The following PALB2 variants were observed in gnomAD, a reference collection of about 807,000 sequenced individuals.
The protein encoded by PALB2 is mutant partner and localizer of BRCA2.
PALB2 carries 82 observed loss-of-function variants against 107.4 expected under a neutral mutation model. That is an observed-to-expected ratio of 0.76 (90% confidence interval 0.64 to 0.92). The LOEUF is 0.92. PALB2 is among the 40% of genes least tolerant of loss of function. PALB2 has a pLI of 0.00. For missense variants in PALB2, 1,374 were observed against 1,379.9 expected, an observed-to-expected ratio of 1.00 and a Z score of 0.07; for synonymous variants, 489 against 496.8, an observed-to-expected ratio of 0.98 and a Z score of 0.21.
chr16:23,610,686 T>C (rs968332171), intron 11 of PALB2, among the ~76,000 whole-genome samples: 3 of 152,172 alleles, frequency 2.0e-5, no homozygotes, highest in African/African-American at 7.2e-5. Context: ...AATGTTTTAA[T>C]ATCAAGTGGG....
chr16:23,620,721 G>A (rs1013542153), intron 10 of PALB2, among the ~76,000 whole-genome samples: 1 of 152,020 alleles, frequency 6.6e-6, no homozygotes, highest in Non-Finnish European at 1.5e-5. Flanking sequence ...ATCTTTTTTG[G>A]TTATGTCTCA....
intron 11 of PALB2, among the ~76,000 whole-genome samples, chr16:23,609,792 A>G (rs1490944905): frequency 2.6e-5 from 4 of 152,152 alleles, no homozygotes; most frequent in African/African-American, 7.2e-5. Flanking sequence ...CTGGGATTAC[A>G]GGCGTGAGCC....
At chr16:23,629,342 C>T (rs2142369837) in intron 5 of PALB2, 67 bp from the exon 6 acceptor site, 1 of 1,351,176 alleles carries the variant, frequency 7.4e-7, no homozygotes, top group Non-Finnish European at 1.1e-6. Flanking sequence ...ATTACCCACT[C>T]ATCAAAATGT....
intron 10 of PALB2, chr16:23,617,673 G>C (rs1293407338): frequency 2.0e-5 from 3 of 152,142 alleles, no homozygotes; most frequent in Non-Finnish European, 2.9e-5. Context: ...GAGCCTGAGA[G>C]GTTGAGACTT....
At chr16:23,631,747 G>A (rs1966879915) in intron 4 of PALB2, among the ~76,000 whole-genome samples, 1 of 152,158 alleles carries the variant, frequency 6.6e-6, no homozygotes, top group Non-Finnish European at 1.5e-5. Context: ...CTAAAACTGT[G>A]ATTTCAACAG....
At chr16:23,639,228 T>TA (rs1463443789) in intron 1 of PALB2, among the ~76,000 whole-genome samples, 7 of 151,662 alleles carry the variant, frequency 4.6e-5, no homozygotes, top group Admixed American at 6.6e-5. Flanking sequence ...ATGCCTTTTT[T>TA]AAAAAAAAGA....
At position 23,630,289 on chromosome 16, in the gene PALB2, A is replaced by G. The variant is rs753012991; in HGVS notation, c.1865T>C (p.Leu622Pro). 4.3e-6 allele frequency: 7 copies of G among 1,614,212 alleles called. No homozygotes were observed. The highest frequency in any genetic ancestry group is 5.9e-6 in the Non-Finnish European group (7 of 1,180,038). Residue 622 changes from leucine to proline, a missense_variant, in exon 5 of 13, where the codon CTT (leucine) becomes CCT (proline). Transcript: ENST00000261584. ...FQLPDEDFGP[L>P]KLEKVKSCSE... ...GCAGGACTTCACTTTTTCAAGCTTA[A>G]GAGGTCCAAAGTCTTCATCAGGTAA...
At chr16:23,622,830 A>T in intron 9 of PALB2, 139 bp downstream of exon 9, 2 of 940,890 alleles carry the variant, frequency 2.1e-6, no homozygotes, top group South Asian at 2.8e-5. Context: ...CTATGTCATA[A>T]CCTAGTGTTG....
intron 9 of PALB2, 50 bp from the exon 10 acceptor site, chr16:23,621,528 C>T: frequency 8.9e-7 from 1 of 1,121,424 alleles, no homozygotes; most frequent in Non-Finnish European, 1.4e-6. Flanking sequence ...AAAGCAGTCT[C>T]TAGGTAGCCC....
chr16:23,621,586 A>G (rs79383129), intron 9 of PALB2, 108 bp from the exon 10 acceptor site: 1 of 690,900 alleles, frequency 1.4e-6, no homozygotes, highest in African/African-American at 1.9e-5. Context: ...TAATATCAGG[A>G]AAAAAAAATC....
chr16:23,613,942 C>T, intron 11 of PALB2, 62 bp downstream of exon 11: 1 of 1,228,312 alleles, frequency 8.1e-7, no homozygotes, highest in Non-Finnish European at 1.2e-6. Flanking sequence ...TTATGACTTA[C>T]TGCTCTCACT....
chr16:23,624,675 G>C (rs1966836286), intron 7 of PALB2, among the ~76,000 whole-genome samples: 1 of 152,162 alleles, frequency 6.6e-6, no homozygotes, highest in African/African-American at 2.4e-5. Context: ...CACCACACCT[G>C]GCTAATTTTA....
Position 23,630,108 on chromosome 16 carries a change from T to C in PALB2, c.2046A>G (p.Ser682=), listed in dbSNP as rs1442566697. The change falls in exon 5 of 13, where the codon TCA becomes TCG. Residue 682 remains serine (S), a synonymous_variant. Coordinates refer to ENST00000261584, the MANE Select transcript of PALB2 (RefSeq NM_024675.4). ...EEDLIVLPGK[S]HPKRPNSQSQ... is the part of the protein sequence containing the mutation. ...TTTGCGAGTTTGGCCTTTTGGGATGTGATTTTCCTGGTAGAACAATAAGGT... is the reference window on the plus strand; with the variant it reads ...TTTGCGAGTTTGGCCTTTTGGGATGCGATTTTCCTGGTAGAACAATAAGGT... 1 of 1,614,180 alleles carries C rather than the reference T, an allele frequency of 6.2e-7. No homozygotes were observed. The highest frequency in any genetic ancestry group is 1.7e-5 in the Admixed American group (1 of 60,018).
At chr16:23,637,044 T>C (rs1032417560) in intron 3 of PALB2, among the ~76,000 whole-genome samples, 5 of 151,258 alleles carry the variant, frequency 3.3e-5, no homozygotes, top group African/African-American at 1.2e-4. Flanking sequence ...GGTCAGGAGA[T>C]CAAGACCATC....
In PALB2 at chr16:23,607,968, A is replaced by T. The variant is rs1064795472; in HGVS notation, c.3246T>A (p.Ser1082Arg). 1 of 1,613,982 alleles carries T rather than the reference A, an allele frequency of 6.2e-7. No individual in the cohort carries two copies. The highest frequency in any genetic ancestry group is 8.5e-7 in the Non-Finnish European group (1 of 1,179,980). ...GAAACACAGGGCTTCGCAACGACTC[A>T]CTCTCTTTGGCACAGGGATGACTCA... ...IVLSHPCAKE[S>R]ESLRSPVFQL... Residue 1082 changes from serine (S) to arginine (R), a missense_variant, in exon 12 of 13, where the codon AGT becomes AGA. By Grantham distance (110) the Ser-to-Arg change is moderately radical (BLOSUM62 -1). Transcript: ENST00000261584.
chr16:23,627,912 T>C (rs956278132), intron 6 of PALB2, among the ~76,000 whole-genome samples: 2 of 152,174 alleles, frequency 1.3e-5, no homozygotes, highest in Non-Finnish European at 2.9e-5. Flanking sequence ...AATGAAATAG[T>C]TGATTCTTTA....
rs776284609 is a variant in PALB2, at chr16:23,636,312, AAC to A, written c.232_233del (p.Val78LeufsTer2). 1.2e-6 allele frequency: 2 copies of A among 1,610,908 alleles called. No individual in the cohort carries two copies. The highest frequency in any genetic ancestry group is 2.7e-5 in the African/African-American group (2 of 74,978). On this transcript the variant is annotated frameshift_variant, in exon 4 of 13. Coordinates refer to ENST00000261584, the MANE Select transcript of PALB2 (RefSeq NM_024675.4). LOFTEE classifies it high-confidence loss of function. ...GGGTTTTGATGTGTAACTTGTCATA[AAC>A]ACATATTTTATTTTTAGGTTCTGAG... ...KHSEPKNKICVYDKLHIKTHL... is the reference protein window; with the variant it reads ...KHSEPKNKICXYDKLHIKTHL...
At position 23,636,065 on chromosome 16, in the gene PALB2, C is replaced by G. The variant is rs769841151; in HGVS notation, c.481G>C (p.Asp161His). ...AGTGAATCAGTGCCAAAGACACAGT[C>G]TCTCTCCTGTGAAATAAATGTCCTC... is the stretch of plus-strand genomic sequence containing the variant. Reference protein sequence around the residue: ...QKRTFISQERDCVFGTDSLRL... With the variant: ...QKRTFISQERHCVFGTDSLRL... Residue 161 changes from aspartate to histidine, a missense_variant, in exon 4 of 13, where the codon GAC (aspartate) becomes CAC (histidine). Physicochemically the swap from Asp to His is moderately conservative, Grantham distance 81. Coordinates refer to ENST00000261584, the MANE Select transcript of PALB2 (RefSeq NM_024675.4). The G allele has an allele frequency of 3.1e-6, 5 of 1,613,916 alleles. No individual in the cohort carries two copies. Among genetic ancestry groups the G allele is most frequent in the Non-Finnish European group, 4.2e-6 (5 of 1,180,020 alleles).
At position 23,603,570 on chromosome 16, in the gene PALB2, G is replaced by A. The variant is rs2142253555; in HGVS notation, c.3450C>T (p.Leu1150=). ...WDLLLGQCTA[L]LPPVSDQHWS... is the part of the protein sequence containing the mutation. ...AATGTTGGTCAGAGACAGGTGGGAG[G>A]AGGGCAGTACACTGACCGAGAAGTA... The change falls in exon 13 of 13, where the codon CTC becomes CTT. Residue 1150 remains leucine (L), a synonymous_variant. Transcript: ENST00000261584. 1 of 1,614,070 alleles carries A rather than the reference G, an allele frequency of 6.2e-7. No homozygotes were observed. Among genetic ancestry groups the A allele is most frequent in the Non-Finnish European group, 8.5e-7 (1 of 1,179,996 alleles).
Sources: gnomAD v4.1 joint callset for allele counts (sites outside exome capture counted in the v4.1 genomes callset) on GRCh38, gnomAD v4.1.1 for gene constraint, MANE v1.5 for transcripts, NCBI Gene and HGNC (gene_info 2026-07-23, HGNC 2026-07-21) for gene names.